MPP7: variants seen among roughly 807,000 people sequenced by gnomAD.
The protein encoded by MPP7 is MAGUK p55 subfamily member 7.
In MPP7, 60 loss-of-function variants were observed where a neutral mutation model predicts 76.5. The ratio of observed to expected loss-of-function variants is 0.78; its 90% CI spans 0.64 to 0.97. The LOEUF (loss-of-function observed/expected upper bound fraction) is 0.97. MPP7 is among the 50% of genes least tolerant of loss of function. The pLI is 0.00. For missense variants in MPP7, 641 were observed against 694.0 expected (o/e 0.92, Z 0.86); for synonymous variants, 237 against 244.5 (o/e 0.97, Z 0.29).
intron 2 of MPP7, among the ~76,000 whole-genome samples, chr10:28,236,375 C>T (rs959549004): frequency 6.6e-6 from 1 of 152,072 alleles, no homozygotes; most frequent in African/African-American, 2.4e-5. Context: ...CAACACTTTT[C>T]TATATTTAAC....
Position 28,266,470 on chromosome 10 carries a change from T to G in MPP7, c.-131-27735A>C, listed in dbSNP as rs532561580. On this transcript the variant is annotated intron_variant, in intron 1 of 16. Coordinates refer to ENST00000683449, the MANE Select transcript of MPP7 (RefSeq NM_001318170.2). ...TGAAGAATTAGAAAAAGTTAACATA[T>G]GAGGCAGAAGGATCTCTTGAACTCA... is the stretch of plus-strand genomic sequence containing the variant. Among the ~76,000 whole-genome samples, 17 of 152,118 alleles carry G rather than the reference T, an allele frequency of 1.1e-4. No homozygotes were observed. The South Asian group carries it at 3.5e-3, about 32-fold the overall frequency.
chr10:28,255,419 CTT>C (rs36120518), intron 1 of MPP7, among the ~76,000 whole-genome samples: 1 of 142,962 alleles, frequency 7.0e-6, no homozygotes, highest in East Asian at 2.0e-4. Context: ...CCACCTTTTT[CTT>C]TTTTTTTTTT....
At chr10:28,191,482 C>T (rs1262202653) in intron 3 of MPP7, among the ~76,000 whole-genome samples, 1 of 152,130 alleles carries the variant, frequency 6.6e-6, no homozygotes, top group African/African-American at 2.4e-5. Context: ...ATCCAAAATG[C>T]TCTGAAATCT....
At chr10:28,108,235 G>C (rs575222759) in intron 11 of MPP7, among the ~76,000 whole-genome samples, 1 of 152,144 alleles carries the variant, frequency 6.6e-6, no homozygotes, top group Non-Finnish European at 1.5e-5. Context: ...TAACCTCACA[G>C]TATTAGAGAA....
rs74127201 is a variant in MPP7 at position 28,126,983 on chromosome 10, C to T, written c.448-1892G>A. On this transcript the variant is annotated intron_variant, in intron 6 of 16. Transcript: ENST00000683449. ...TGTAAATGAAGGAGCCCTCAGTTCA[C>T]TCCAGCCACCACCATCTGACTGTAT... Among the ~76,000 whole-genome samples the T allele has an allele frequency of 6.6e-3, 1,002 of 152,302 alleles. 8 individuals carry two copies. The highest frequency in any genetic ancestry group is 0.023 in the African/African-American group (946 of 41,564).
intron 1 of MPP7, among the ~76,000 whole-genome samples, chr10:28,262,188 TA>T (rs1564741015): frequency 0.037 from 33 of 888 alleles, no homozygotes; most frequent in Middle Eastern, 0.25. Context: ...AAATAAATTA[TA>T]TATATATATA....
chr10:28,213,301 C>T (rs1030222289), intron 2 of MPP7, among the ~76,000 whole-genome samples: 5 of 151,948 alleles, frequency 3.3e-5, no homozygotes, highest in Admixed American at 1.3e-4. Context: ...CAGGGTCAAG[C>T]GCGCAGGTGG....
intron 1 of MPP7, among the ~76,000 whole-genome samples, chr10:28,301,400 G>A (rs1196017184): frequency 6.6e-6 from 1 of 152,116 alleles, no homozygotes; most frequent in East Asian, 1.9e-4. Context: ...ACTTTTGTTT[G>A]TTTTGCCTGT....
intron 3 of MPP7, among the ~76,000 whole-genome samples, chr10:28,198,709 T>C (rs1235754776): frequency 2.0e-5 from 3 of 151,044 alleles, no homozygotes. Context: ...AAATAAAATG[T>C]AAAATAAGTA....
intron 2 of MPP7, among the ~76,000 whole-genome samples, chr10:28,312,846 G>A (rs1213738973): frequency 6.6e-6 from 1 of 152,150 alleles, no homozygotes; most frequent in Non-Finnish European, 1.5e-5. Flanking sequence ...GTGCTGACCT[G>A]GAAAGCAGAA....
chr10:28,301,168 C>G (rs1841146301), intron 1 of MPP7, among the ~76,000 whole-genome samples: 1 of 152,130 alleles, frequency 6.6e-6, no homozygotes, highest in East Asian at 1.9e-4. Flanking sequence ...TTCAATCCGT[C>G]TATAAATTTA....
chr10:28,313,179 CT>C (rs1841299003), intron 2 of MPP7, among the ~76,000 whole-genome samples: 1 of 152,152 alleles, frequency 6.6e-6, no homozygotes, highest in Admixed American at 6.5e-5. Context: ...AGTTAACTCT[CT>C]GATACATATG....
At chr10:28,173,836 C>G (rs753041101) in intron 3 of MPP7, among the ~76,000 whole-genome samples, 8 of 152,174 alleles carry the variant, frequency 5.3e-5, no homozygotes, top group Non-Finnish European at 1.0e-4. Context: ...AGTCACCACA[C>G]TTGTGAATTA....
Position 28,200,437 on chromosome 10 carries a change from C to T in MPP7, c.156+1716G>A, listed in dbSNP as rs374596625. The stretch of plus-strand genomic sequence containing the variant: ...TAAATACTAGCAACATGAGTTTATT[C>T]GCTCCACTGTTTTTATGAAATCAGA... On this transcript the variant is annotated intron_variant, in intron 3 of 16. Transcript: ENST00000683449. Among the ~76,000 whole-genome samples the T allele has an allele frequency of 4.7e-4, 71 of 152,292 alleles. 1 individual carries two copies. In the South Asian group the frequency reaches 0.011, roughly 23 times the overall value.
chr10:28,127,240 G>T (rs1835045488), intron 6 of MPP7, among the ~76,000 whole-genome samples: 1 of 152,072 alleles, frequency 6.6e-6, no homozygotes, highest in South Asian at 2.1e-4. Context: ...GTTGACCAAT[G>T]TTTATTGAGA....
intron 2 of MPP7, among the ~76,000 whole-genome samples, chr10:28,230,688 T>C (rs922426391): frequency 1.2e-4 from 19 of 152,058 alleles, no homozygotes; most frequent in African/African-American, 3.9e-4. Context: ...TGATGGTGCA[T>C]GCCTGTAGTC....
At chr10:28,057,813 A>G in intron 15 of MPP7, 2 of 1,284,134 alleles carry the variant, frequency 1.6e-6, no homozygotes, top group Non-Finnish European at 2.0e-6. Context: ...TTTGCACCCC[A>G]GGGTACAGCC....
chr10:28,154,422 G>A (rs140748339), intron 3 of MPP7, among the ~76,000 whole-genome samples: 15 of 152,264 alleles, frequency 9.9e-5, no homozygotes, highest in African/African-American at 2.6e-4. Flanking sequence ...CATAGGAATC[G>A]CTGGGAGCAA....
intron 11 of MPP7, among the ~76,000 whole-genome samples, chr10:28,096,861 G>C (rs1180943977): frequency 6.6e-6 from 1 of 152,098 alleles, no homozygotes; most frequent in African/African-American, 2.4e-5. Flanking sequence ...AATGGTCTCA[G>C]AAATACTGAA....
Sources: gnomAD v4.1 joint callset for allele counts (sites outside exome capture counted in the v4.1 genomes callset) on GRCh38, gnomAD v4.1.1 for gene constraint, MANE v1.5 for transcripts, NCBI Gene and HGNC (gene_info 2026-07-23, HGNC 2026-07-21) for gene names.